Variants in ANKRD36C observed in about 807,000 individuals in gnomAD.
ANKRD36C encodes the protein ankyrin repeat domain 36C.
In ANKRD36C, 61 loss-of-function variants were observed where a neutral mutation model predicts 276.4. The ratio of observed to expected loss-of-function variants is 0.22; its 90% CI spans 0.18 to 0.27. The LOEUF (loss-of-function observed/expected upper bound fraction) is 0.27. Among genes scored for constraint, ANKRD36C ranks in the 10% least tolerant of loss-of-function variants. The pLI, the probability that ANKRD36C is intolerant of heterozygous loss-of-function variation, is 1.00. For missense variants in ANKRD36C, 1,447 were observed against 2,032.3 expected (o/e 0.71, Z 5.54); for synonymous variants, 483 against 680.1 (o/e 0.71, Z 4.51).
At chr2:95,857,894 T>C (rs978722179) in intron 61 of ANKRD36C, among the ~76,000 whole-genome samples, 2 of 150,878 alleles carry the variant, frequency 1.3e-5, no homozygotes, top group African/African-American at 4.8e-5. Flanking sequence ...ATCTGCTGTC[T>C]CTGAAGTCTG....
intron 52 of ANKRD36C, 63 bp downstream of exon 72, chr2:95,885,985 T>C: frequency 1.3e-6 from 2 of 1,565,450 alleles, no homozygotes; most frequent in Non-Finnish European, 1.7e-6. Context: ...GCTGATTTAT[T>C]TGGGGAAGTG....
intron 24 of ANKRD36C, among the ~76,000 whole-genome samples, chr2:95,929,896 C>G (rs1677519099): frequency 6.6e-6 from 1 of 151,434 alleles, no homozygotes; most frequent in Non-Finnish European, 1.5e-5. Context: ...TCTAGTTTAG[C>G]CTTCCAAAAG....
At chr2:95,873,349 A>C (rs1350493449) in intron 59 of ANKRD36C, among the ~76,000 whole-genome samples, 1 of 152,226 alleles carries the variant, frequency 6.6e-6, no homozygotes, top group African/African-American at 2.4e-5. Context: ...CCTGGGATGC[A>C]AGGCTGCTTC....
chr2:95,908,131 G>A (rs62153693), intron 42 of ANKRD36C, among the ~76,000 whole-genome samples: 33,546 of 144,852 alleles, frequency 0.23, 1,998 homozygotes, highest in East Asian at 0.38. Context: ...CAAGCTTTCT[G>A]TCTTTTCTTG....
intron 60 of ANKRD36C, among the ~76,000 whole-genome samples, chr2:95,866,444 C>T (rs1372714057): frequency 1.3e-5 from 2 of 151,980 alleles, no homozygotes; most frequent in South Asian, 4.1e-4. Flanking sequence ...CGTAAGAAAA[C>T]ATCAACCTAC....
chr2:95,878,179 G>A (rs1402884101), intron 58 of ANKRD36C, among the ~76,000 whole-genome samples: 1 of 141,416 alleles, frequency 7.1e-6, no homozygotes, highest in Admixed American at 7.2e-5. Context: ...GCAAGACTCT[G>A]TCTCAAAAAA....
intron 50 of ANKRD36C, 148 bp from the exon 71 acceptor site, chr2:95,886,392 C>T: frequency 1.4e-6 from 1 of 703,176 alleles, no homozygotes; most frequent in Non-Finnish European, 2.3e-6. Flanking sequence ...GGGATGGGAA[C>T]ATGACAGAAA....
At chr2:95,985,672 G>C (rs1161637348) in intron 3 of ANKRD36C, among the ~76,000 whole-genome samples, 3 of 152,174 alleles carry the variant, frequency 2.0e-5, no homozygotes, top group Non-Finnish European at 4.4e-5. Context: ...CTGCGAACCA[G>C]CACAGTTGAT....
At chr2:95,902,113 T>C (rs1231446426) in intron 42 of ANKRD36C, among the ~76,000 whole-genome samples, 1 of 149,516 alleles carries the variant, frequency 6.7e-6, no homozygotes, top group Non-Finnish European at 1.5e-5. Context: ...ATAGCTATTT[T>C]ATCCAAGAGG....
chr2:95,986,319 C>G (rs923696665), intron 3 of ANKRD36C, among the ~76,000 whole-genome samples: 1 of 152,168 alleles, frequency 6.6e-6, no homozygotes, highest in African/African-American at 2.4e-5. Context: ...ACATACAATA[C>G]TTGTCAACAG....
exon 63 of ANKRD36C, chr2:95,855,322 A>C: frequency 6.2e-7 from 1 of 1,609,662 alleles, no homozygotes; most frequent in Non-Finnish European, 8.5e-7. Context: ...GAATGATTCA[A>C]TTCATTCACC....
intron 14 of ANKRD36C, among the ~76,000 whole-genome samples, chr2:95,952,176 A>T (rs1678213188): frequency 6.6e-6 from 1 of 152,306 alleles, no homozygotes; most frequent in Non-Finnish European, 1.5e-5. Context: ...CAACAAACAA[A>T]AAAAGAGACA....
intron 6 of ANKRD36C, among the ~76,000 whole-genome samples, chr2:95,975,212 T>C (rs1228352476): frequency 6.6e-6 from 1 of 152,100 alleles, no homozygotes; most frequent in African/African-American, 2.4e-5. Flanking sequence ...CCCAAGGTAA[T>C]TTATAGATTC....
intron 24 of ANKRD36C, among the ~76,000 whole-genome samples, chr2:95,931,851 C>CACACACACACACACACAA (rs1677581091): frequency 1.1e-5 from 1 of 90,624 alleles, no homozygotes; most frequent in East Asian, 4.5e-4. Context: ...CACACACATA[C>CACACACACACACACACAA]ACACACACAC....
At chr2:95,917,430 C>T (rs1677133083) in intron 36 of ANKRD36C, among the ~76,000 whole-genome samples, 1 of 151,566 alleles carries the variant, frequency 6.6e-6, no homozygotes, top group South Asian at 2.1e-4. Context: ...CTCCTTAGTT[C>T]TCATTCTACA....
chr2:95,910,692 C>G (rs1676890375), intron 42 of ANKRD36C, 124 bp from the exon 45 acceptor site: 2 of 1,534,998 alleles, frequency 1.3e-6, no homozygotes. Flanking sequence ...TTGATGGCTT[C>G]TACTTTGTGT....
chr2:95,916,747 C>T (rs1426517149), intron 36 of ANKRD36C, among the ~76,000 whole-genome samples: 2 of 151,674 alleles, frequency 1.3e-5, no homozygotes, highest in East Asian at 2.0e-4. Flanking sequence ...CATTATCTCT[C>T]ACACCCATGT....
chr2:95,955,535 C>T (rs1338542349), intron 13 of ANKRD36C, among the ~76,000 whole-genome samples: 1 of 152,178 alleles, frequency 6.6e-6, no homozygotes, highest in African/African-American at 2.4e-5. Flanking sequence ...TGTTTCTCTT[C>T]AAATTTGGCT....
At chr2:95,894,790 TC>T (rs1676488327) in intron 44 of ANKRD36C, among the ~76,000 whole-genome samples, 1 of 151,366 alleles carries the variant, frequency 6.6e-6, no homozygotes, top group South Asian at 2.1e-4. Flanking sequence ...AAGAAATGTT[TC>T]CTGCTTCCAG....
Sources: gnomAD v4.1 joint callset for allele counts (sites outside exome capture counted in the v4.1 genomes callset) on GRCh38, gnomAD v4.1.1 for gene constraint, MANE v1.5 for transcripts, NCBI Gene and HGNC (gene_info 2026-07-23, HGNC 2026-07-21) for gene names.